The following SPAG16 variants were observed in gnomAD, a reference collection of about 807,000 sequenced individuals.
SPAG16 encodes sperm-associated antigen 16 protein.
A neutral mutation model predicts 80.4 loss-of-function variants in SPAG16; 86 were observed. The ratio of observed to expected loss-of-function variants is 1.07; its 90% CI spans 0.90 to 1.28. The LOEUF (loss-of-function observed/expected upper bound fraction) is 1.28, where lower values mean the gene tolerates loss of function less well. Among genes scored for constraint, SPAG16 ranks in the 50% most tolerant of loss-of-function variants. The probability of loss-of-function intolerance (pLI) is 0.00; values close to 1 mark genes in which losing one functional copy is unlikely to be tolerated. For synonymous variants in SPAG16, 294 were observed against 265.9 expected (o/e 1.11, Z -1.03); for missense variants, 870 against 765.3 (o/e 1.14, Z -1.61).
chr2:214,194,514 A>G (rs2057769181), intron 15 of SPAG16, among the ~76,000 whole-genome samples: 1 of 152,124 alleles, frequency 6.6e-6, no homozygotes. Flanking sequence ...CTAACAGCCC[A>G]GAGCAATAAT....
rs375507579 is a variant in SPAG16, at chr2:213,727,395, T to C, written c.1071-135090T>C. On this transcript the variant is annotated intron_variant, in intron 10 of 15. Coordinates refer to ENST00000331683, the MANE Select transcript of SPAG16 (RefSeq NM_024532.5). Reference sequence around the variant, plus strand: ...GAAAAATATATAAATCAATGGAGTGTGACAGGACCTGCTAATGTTGGTTTG... The same window carrying C: ...GAAAAATATATAAATCAATGGAGTGCGACAGGACCTGCTAATGTTGGTTTG... Among the ~76,000 whole-genome samples the C allele has an allele frequency of 7.2e-5, 11 of 152,262 alleles. No individual in the cohort carries two copies. In the East Asian group the frequency reaches 7.7e-4, roughly 11 times the overall value.
chr2:213,681,690 A>C (rs1204163076), intron 10 of SPAG16, among the ~76,000 whole-genome samples: 2 of 152,208 alleles, frequency 1.3e-5, no homozygotes, highest in Non-Finnish European at 2.9e-5. Flanking sequence ...TTCCTCATCA[A>C]GGAAAGATGT....
At chr2:213,735,739 T>C (rs1339993457) in intron 10 of SPAG16, among the ~76,000 whole-genome samples, 9 of 152,208 alleles carry the variant, frequency 5.9e-5, no homozygotes, top group Admixed American at 6.5e-5. Flanking sequence ...TCTCTGTGTT[T>C]AGGAAAGATA....
chr2:213,410,870 C>T (rs556019972), intron 9 of SPAG16, among the ~76,000 whole-genome samples: 2 of 152,210 alleles, frequency 1.3e-5, no homozygotes, highest in Non-Finnish European at 2.9e-5. Flanking sequence ...CAAGCTCTCT[C>T]TCTCTGCTAT....
At chr2:213,694,042 C>CA (rs68152101) in intron 10 of SPAG16, among the ~76,000 whole-genome samples, 43,141 of 121,178 alleles carry the variant, frequency 0.36, 7,046 homozygotes, top group East Asian at 0.48. Flanking sequence ...TTATGCAAGA[C>CA]AAAAAAAAAA....
chr2:213,873,134 G>C lies in SPAG16; in HGVS notation c.1214+10506G>C, dbSNP rs575973228. ...TTTTGGAAGAATTTGTGAAGTAGTA[G>C]TGTTAATTCTTCTTAAATATTTGGG... On this transcript the variant is annotated intron_variant, in intron 11 of 15. Transcript: ENST00000331683. Among the ~76,000 whole-genome samples, 15 of 150,064 alleles carry C rather than the reference G, an allele frequency of 1.0e-4. No homozygotes were observed. In the South Asian group the frequency reaches 3.3e-3, roughly 33 times the overall value.
At chr2:213,892,984 G>C (rs2076844377) in intron 11 of SPAG16, among the ~76,000 whole-genome samples, 1 of 152,024 alleles carries the variant, frequency 6.6e-6, no homozygotes, top group Admixed American at 6.6e-5. Flanking sequence ...ATACAGATTT[G>C]ACAAACAAGA....
chr2:214,091,084 A>C (rs1428904776), intron 13 of SPAG16, among the ~76,000 whole-genome samples: 1 of 152,092 alleles, frequency 6.6e-6, no homozygotes, highest in Non-Finnish European at 1.5e-5. Context: ...ACATAAAAAC[A>C]AAATCCAAGT....
At chr2:213,523,385 AG>A (rs2075762019) in intron 10 of SPAG16, among the ~76,000 whole-genome samples, 1 of 152,200 alleles carries the variant, frequency 6.6e-6, no homozygotes. Flanking sequence ...ACCCGGACTC[AG>A]GTATGTCTTC....
chr2:214,285,629 C>CCAT (rs1693298720), intron 15 of SPAG16, among the ~76,000 whole-genome samples: 1 of 152,088 alleles, frequency 6.6e-6, no homozygotes, highest in East Asian at 1.9e-4. Context: ...TGATGAAACC[C>CCAT]CATCTCTACT....
In SPAG16 at chr2:214,318,656, A is replaced by G. The variant is rs111735158; in HGVS notation, c.1721-91484A>G. Among the ~76,000 whole-genome samples, 459 of 152,192 alleles carry G rather than the reference A, an allele frequency of 3.0e-3. 5 individuals carry two copies. The highest frequency in any genetic ancestry group is 0.01 in the Middle Eastern group (3 of 294). On this transcript the variant is annotated intron_variant, in intron 15 of 15. Transcript: ENST00000331683. ...CTCCCAAAGTGCTGGGATGACAGGC[A>G]TGAGCCACCGCGCCCAGCCCAGAGA...
At chr2:213,974,276 A>C (rs2045241076) in intron 12 of SPAG16, among the ~76,000 whole-genome samples, 1 of 152,154 alleles carries the variant, frequency 6.6e-6, no homozygotes. Context: ...TTAGTTTGGC[A>C]GTGATGGGTA....
chr2:213,832,538 T>G (rs1020234762), intron 10 of SPAG16, among the ~76,000 whole-genome samples: 3 of 152,066 alleles, frequency 2.0e-5, no homozygotes, highest in Admixed American at 1.3e-4. Flanking sequence ...ACATAAAACC[T>G]AGAAAGGTCA....
chr2:213,574,469 G>A (rs2060044030), intron 10 of SPAG16, among the ~76,000 whole-genome samples: 1 of 151,950 alleles, frequency 6.6e-6, no homozygotes, highest in Admixed American at 6.6e-5. Context: ...GCTAAACATG[G>A]TGTTGGGCAG....
At position 213,399,047 on chromosome 2, in the gene SPAG16, T is replaced by C. The variant is rs531911197; in HGVS notation, c.942+23928T>C. Among the ~76,000 whole-genome samples, 27 of 152,270 alleles carry C rather than the reference T, an allele frequency of 1.8e-4. No homozygotes were observed. The South Asian group carries it at 5.2e-3, about 29-fold the overall frequency. ...GTCTATAGGCTTTTTGGGAATTTTCTTTGTAAGTAGTATCATCTGTGAAAA... is the reference window on the plus strand; with the variant it reads ...GTCTATAGGCTTTTTGGGAATTTTCCTTGTAAGTAGTATCATCTGTGAAAA... On this transcript the variant is annotated intron_variant, in intron 9 of 15. Coordinates refer to ENST00000331683, the MANE Select transcript of SPAG16 (RefSeq NM_024532.5).
At chr2:213,737,886 A>T (rs1340107045) in intron 10 of SPAG16, among the ~76,000 whole-genome samples, 1 of 152,074 alleles carries the variant, frequency 6.6e-6, no homozygotes, top group East Asian at 1.9e-4. Context: ...ATTTTGCCCC[A>T]GTTGTGTCTC....
At chr2:213,493,798 AT>A (rs1176443330) in intron 10 of SPAG16, among the ~76,000 whole-genome samples, 3 of 151,348 alleles carry the variant, frequency 2.0e-5, no homozygotes, top group East Asian at 1.9e-4. Flanking sequence ...TTGTTTAAAA[AT>A]TTTTTTTTCT....
chr2:213,487,424 T>C (rs1008255665), intron 9 of SPAG16, among the ~76,000 whole-genome samples: 1 of 152,118 alleles, frequency 6.6e-6, no homozygotes, highest in Non-Finnish European at 1.5e-5. Context: ...CACATTGTCC[T>C]TATTTATGTA....
chr2:213,814,062 A>G (rs2072359690), intron 10 of SPAG16, among the ~76,000 whole-genome samples: 1 of 152,080 alleles, frequency 6.6e-6, no homozygotes. Context: ...ACTGAAAGAG[A>G]GATGAATTGA....
Sources: gnomAD v4.1 joint callset for allele counts (sites outside exome capture counted in the v4.1 genomes callset) on GRCh38, gnomAD v4.1.1 for gene constraint, MANE v1.5 for transcripts, NCBI Gene and HGNC (gene_info 2026-07-23, HGNC 2026-07-21) for gene names.